Variants in UHRF2 observed in about 807,000 individuals in gnomAD.
UHRF2 encodes ubiquitin like with PHD and ring finger domains 2.
Under a neutral mutation model 96.8 loss-of-function variants are expected in UHRF2, and 23 were observed. The ratio of observed to expected loss-of-function variants is 0.24; its 90% CI spans 0.17 to 0.34. The LOEUF is 0.34. Ranked by LOEUF, UHRF2 falls within the 10% of genes least tolerant of loss-of-function variation. The probability of loss-of-function intolerance (pLI) is 1.00; values close to 1 mark genes in which losing one functional copy is unlikely to be tolerated. For synonymous variants in UHRF2, 385 were observed against 332.6 expected (o/e 1.16, Z -1.72); for missense variants, 685 against 981.5 (o/e 0.70, Z 4.04).
At chr9:6,457,938 A>C (rs4384035) in intron 3 of UHRF2, among the ~76,000 whole-genome samples, 1 of 152,016 alleles carries the variant, frequency 6.6e-6, no homozygotes, top group Non-Finnish European at 1.5e-5. Context: ...TTTTGCATCA[A>C]TGTTCATAGG....
At chr9:6,504,563 T>G (rs1410541120) in intron 14 of UHRF2, 30 bp from the exon 15 acceptor site, 5 of 1,546,474 alleles carry the variant, frequency 3.2e-6, no homozygotes, top group Non-Finnish European at 4.4e-6. Flanking sequence ...CTGCTAACTT[T>G]TCTTTCCTTA....
Position 6,504,767 on chromosome 9 carries a change from T to G in UHRF2, c.2262+76T>G, listed in dbSNP as rs78489255. 543 of 1,134,332 alleles carry G rather than the reference T, an allele frequency of 4.8e-4. 6 individuals carry two copies. In the East Asian group the frequency reaches 0.013, roughly 27 times the overall value. The allele number at this position is 1,134,332 out of a possible 1,614,324, so 70.3% of individuals were successfully genotyped here. The stretch of plus-strand genomic sequence containing the variant: ...ATTTCTATACCTGTTTTTAGCATGC[T>G]AAGAAGCATTTTCCGTGAAGCGGGA... On this transcript the variant is annotated intron_variant, in intron 15 of 15. Transcript: ENST00000276893.
chr9:6,440,958 C>G (rs903324554), intron 3 of UHRF2, among the ~76,000 whole-genome samples: 6 of 152,172 alleles, frequency 3.9e-5, no homozygotes, highest in Non-Finnish European at 7.3e-5. Flanking sequence ...ATTTCATTCC[C>G]TGTGATTCCC....
intron 6 of UHRF2, among the ~76,000 whole-genome samples, chr9:6,478,204 A>G (rs989523520): frequency 6.6e-6 from 1 of 152,220 alleles, no homozygotes; most frequent in Non-Finnish European, 1.5e-5. Flanking sequence ...CAGATTAAAT[A>G]TCTTTCAACT....
chr9:6,500,113 G>C (rs1344071908), intron 13 of UHRF2, among the ~76,000 whole-genome samples, 182 bp downstream of exon 13: 5 of 151,932 alleles, frequency 3.3e-5, no homozygotes, highest in Non-Finnish European at 5.9e-5. Context: ...GCCCACGGCT[G>C]TACACCACCA....
intron 8 of UHRF2, 142 bp downstream of exon 8, chr9:6,482,241 CT>C: frequency 1.4e-6 from 1 of 698,602 alleles, no homozygotes; most frequent in South Asian, 1.8e-5. Context: ...TGGGTGTACT[CT>C]TCCTGGAGGT....
At chr9:6,500,035 A>G in intron 13 of UHRF2, 104 bp downstream of exon 13, 1 of 905,224 alleles carries the variant, frequency 1.1e-6, no homozygotes, top group African/African-American at 1.7e-5. Flanking sequence ...TGCAGTGGAA[A>G]GATCTTGGCT....
rs572700233 is a variant in UHRF2, at chr9:6,461,633, A to G, written c.863+842A>G. On this transcript the variant is annotated intron_variant, in intron 4 of 15. Transcript: ENST00000276893. Reference sequence around the variant, plus strand: ...GTGATGTACCCGCCTCTGCCTCCCAAAGTGTTGGGATTACAGGTATGAGCC... The same window carrying G: ...GTGATGTACCCGCCTCTGCCTCCCAGAGTGTTGGGATTACAGGTATGAGCC... Among the ~76,000 whole-genome samples, 13 of 151,812 alleles carry G rather than the reference A, an allele frequency of 8.6e-5. No homozygotes were observed. In the East Asian group the frequency reaches 1.9e-3, roughly 23 times the overall value.
chr9:6,432,989 C>G (rs1470118479), intron 2 of UHRF2, among the ~76,000 whole-genome samples: 1 of 151,990 alleles, frequency 6.6e-6, no homozygotes, highest in African/African-American at 2.4e-5. Context: ...TACAAGCATG[C>G]TCCACCACGC....
At chr9:6,418,870 G>T (rs1414167502) in intron 1 of UHRF2, among the ~76,000 whole-genome samples, 1 of 152,172 alleles carries the variant, frequency 6.6e-6, no homozygotes, top group African/African-American at 2.4e-5. Flanking sequence ...GGTCTAGCAA[G>T]GTGTCAGCAG....
In UHRF2 at chr9:6,483,273, C is replaced by T. The variant is rs190268936; in HGVS notation, c.1392+1174C>T. ...CCAGGAGGCAGAGGTTGCAGTGAGC[C>T]GAGATTGTGCCACTGCACTCCAGCC... On this transcript the variant is annotated intron_variant, in intron 8 of 15. Coordinates refer to ENST00000276893, the MANE Select transcript of UHRF2 (RefSeq NM_152896.3). 3.4e-3 allele frequency among the ~76,000 whole-genome samples: 482 copies of T among 142,524 alleles called. 2 individuals are homozygous for T. Among genetic ancestry groups the T allele is most frequent in the African/African-American group, 0.012 (444 of 37,672 alleles). 93.5% of individuals were successfully genotyped at this position (142,524 alleles called of 152,430 possible). A position where few individuals can be genotyped will look rare whatever the true frequency, so the allele number is the denominator to read the frequency against.
rs1587881649 is a variant in UHRF2 at position 6,498,175 on chromosome 9, C to G, written c.1908+17C>G. On this transcript the variant is annotated intron_variant, in intron 12 of 15. Coordinates refer to ENST00000276893, the MANE Select transcript of UHRF2 (RefSeq NM_152896.3). ...CGTTTACAGGTTAGATTACATTTGTCTAGGCTGCCTGTGTGTTCATAAAAA... is the reference window on the plus strand; with the variant it reads ...CGTTTACAGGTTAGATTACATTTGTGTAGGCTGCCTGTGTGTTCATAAAAA... 4 of 1,610,456 alleles carry G rather than the reference C, an allele frequency of 2.5e-6. No homozygotes were observed. Among genetic ancestry groups the G allele is most frequent in the Non-Finnish European group, 3.4e-6 (4 of 1,178,598 alleles).
At chr9:6,452,909 A>G (rs1046746045) in intron 3 of UHRF2, among the ~76,000 whole-genome samples, 9 of 152,334 alleles carry the variant, frequency 5.9e-5, no homozygotes, top group African/African-American at 2.2e-4. Flanking sequence ...GAAGATGCCC[A>G]GGAAAATATT....
At chr9:6,432,280 G>A (rs983568952) in intron 2 of UHRF2, among the ~76,000 whole-genome samples, 1 of 152,066 alleles carries the variant, frequency 6.6e-6, no homozygotes, top group South Asian at 2.1e-4. Flanking sequence ...CAGTGCCTTT[G>A]GTCAAATGTA....
intron 10 of UHRF2, chr9:6,494,197 C>T (rs1824835669): frequency 3.0e-6 from 1 of 330,944 alleles, no homozygotes; most frequent in Admixed American, 4.7e-5. Context: ...GGAAAGGAGC[C>T]TGTGTAATTT....
chr9:6,466,958 T>C (rs1822898163), intron 4 of UHRF2, among the ~76,000 whole-genome samples: 1 of 152,266 alleles, frequency 6.6e-6, no homozygotes, highest in African/African-American at 2.4e-5. Flanking sequence ...AAATTCTCCC[T>C]TACTCTGACT....
At chr9:6,453,595 A>G (rs1219166339) in intron 3 of UHRF2, among the ~76,000 whole-genome samples, 1 of 152,236 alleles carries the variant, frequency 6.6e-6, no homozygotes, top group African/African-American at 2.4e-5. Context: ...TTGTGAAACA[A>G]CACGAGTGTA....
chr9:6,426,524 A>G (rs1313565706), intron 2 of UHRF2, among the ~76,000 whole-genome samples: 2 of 152,112 alleles, frequency 1.3e-5, no homozygotes. Flanking sequence ...TTTTTGGGGG[A>G]TGAACCTTAG....
At chr9:6,413,905 G>A in intron 1 of UHRF2, 1 of 348,100 alleles carries the variant, frequency 2.9e-6, no homozygotes. Flanking sequence ...CTCGCCGTTT[G>A]TATTTGGTAG....
Sources: allele counts gnomAD v4.1 joint callset (sites outside exome capture counted in the v4.1 genomes callset), GRCh38; gene constraint gnomAD v4.1.1; transcripts MANE v1.5; gene names NCBI Gene and HGNC (gene_info 2026-07-23, HGNC 2026-07-21).